Variants in FOCAD observed in about 807,000 individuals in gnomAD.
FOCAD encodes the protein focadhesin.
Under a neutral mutation model 225.6 loss-of-function variants are expected in FOCAD, and 198 were observed. The observed-to-expected ratio is 0.88, with a 90% confidence interval of 0.78 to 0.99. The LOEUF (loss-of-function observed/expected upper bound fraction) is 0.99. FOCAD is among the 50% of genes least tolerant of loss of function. The probability of loss-of-function intolerance (pLI) is 0.00; values close to 1 mark genes in which losing one functional copy is unlikely to be tolerated. For synonymous variants in FOCAD, 897 were observed against 755.0 expected (o/e 1.19, Z -3.08); for missense variants, 2,713 against 2,123.6 (o/e 1.28, Z -5.46).
intron 1 of FOCAD, among the ~76,000 whole-genome samples, chr9:20,714,113 G>A (rs1825107926): frequency 6.6e-6 from 1 of 152,026 alleles, no homozygotes; most frequent in Non-Finnish European, 1.5e-5. Context: ...GAAATGCTCG[G>A]GACCAGAAGT....
chr9:20,958,643 T>C (rs1420189613), intron 35 of FOCAD, among the ~76,000 whole-genome samples: 1 of 152,174 alleles, frequency 6.6e-6, no homozygotes, highest in Non-Finnish European at 1.5e-5. Flanking sequence ...TTCCATCTAA[T>C]TGTGGTTTTG....
At chr9:20,703,743 C>T (rs1283728458) in intron 1 of FOCAD, among the ~76,000 whole-genome samples, 2 of 152,168 alleles carry the variant, frequency 1.3e-5, no homozygotes, top group African/African-American at 4.8e-5. Context: ...CCTTGACTGT[C>T]CCACATGGTA....
intron 21 of FOCAD, among the ~76,000 whole-genome samples, chr9:20,892,758 C>T (rs1033022448): frequency 3.3e-5 from 5 of 152,060 alleles, no homozygotes; most frequent in Non-Finnish European, 7.4e-5. Flanking sequence ...GGATTGATTC[C>T]ACCTTAGAGA....
At chr9:20,868,583 A>G (rs1189206349) in intron 18 of FOCAD, among the ~76,000 whole-genome samples, 2 of 152,286 alleles carry the variant, frequency 1.3e-5, no homozygotes, top group Non-Finnish European at 2.9e-5. Context: ...TATATCTTCC[A>G]ACATAAATGG....
chr9:20,922,167 T>C (rs955278663), intron 24 of FOCAD, among the ~76,000 whole-genome samples: 2 of 152,226 alleles, frequency 1.3e-5, no homozygotes, highest in African/African-American at 4.8e-5. Flanking sequence ...TGTGTTTTCT[T>C]ATTAGCTATA....
At chr9:20,815,126 T>G (rs909228327) in intron 11 of FOCAD, among the ~76,000 whole-genome samples, 3 of 97,010 alleles carry the variant, frequency 3.1e-5, no homozygotes, top group Non-Finnish European at 6.2e-5. Flanking sequence ...TCTCTTTGTT[T>G]TTTTTTTTTT....
Position 20,962,388 on chromosome 9 carries a change from TACAC to T in FOCAD, c.4132+9325_4132+9328del, listed in dbSNP as rs1016060444. On this transcript the variant is annotated intron_variant, in intron 35 of 43. Coordinates refer to ENST00000338382, the MANE Select transcript of FOCAD (RefSeq NM_001375567.1). ...ATTTGTTTATCTATAACTTTAAACA[TACAC>T]ATATATAATATATATATACACACAC... 4.0e-5 allele frequency among the ~76,000 whole-genome samples: 6 copies of T among 150,278 alleles called. No homozygotes were observed. In the Admixed American group the frequency reaches 4.0e-4, roughly 10 times the overall value.
intron 16 of FOCAD, among the ~76,000 whole-genome samples, chr9:20,864,788 G>T (rs1211477443): frequency 6.6e-6 from 1 of 152,036 alleles, no homozygotes; most frequent in Non-Finnish European, 1.5e-5. Flanking sequence ...AGGTCTTAGA[G>T]ATACTAATAA....
rs530682114 is a variant in FOCAD at position 20,993,110 on chromosome 9, G to A, written c.5257-143G>A. The A allele has an allele frequency of 1.4e-5, 9 of 625,336 alleles. No homozygotes were observed. The Admixed American group carries it at 2.4e-4, about 17-fold the overall frequency. The allele number at this position is 625,336 out of a possible 1,614,324, so 38.7% of individuals were successfully genotyped here. On this transcript the variant is annotated intron_variant, in intron 42 of 43. Transcript: ENST00000338382. ...GTCTCATCTCCTCCACCTGGGGAAG[G>A]TATTGCCTAAGAACTGTAATCCCAG...
intron 22 of FOCAD, among the ~76,000 whole-genome samples, chr9:20,910,733 T>C (rs1197098033): frequency 6.6e-6 from 1 of 152,078 alleles, no homozygotes; most frequent in African/African-American, 2.4e-5. Context: ...TGAATGCTGC[T>C]GGATCTCTCT....
chr9:20,861,004 T>C (rs1213582744), intron 15 of FOCAD, among the ~76,000 whole-genome samples: 1 of 152,218 alleles, frequency 6.6e-6, no homozygotes, highest in African/African-American at 2.4e-5. Context: ...TGACTTTTGC[T>C]TTCCATTTTC....
intron 28 of FOCAD, among the ~76,000 whole-genome samples, chr9:20,935,604 G>T (rs925140134): frequency 2.6e-5 from 4 of 152,104 alleles, no homozygotes; most frequent in Admixed American, 1.3e-4. Flanking sequence ...TTCACCAATT[G>T]GTCAGGCTGG....
intron 21 of FOCAD, among the ~76,000 whole-genome samples, chr9:20,906,601 A>G (rs928946656): frequency 6.6e-6 from 1 of 152,016 alleles, no homozygotes; most frequent in Non-Finnish European, 1.5e-5. Context: ...TTGTTTACCC[A>G]CACTGATTAA....
At chr9:20,748,696 C>T (rs1828281057) in intron 5 of FOCAD, among the ~76,000 whole-genome samples, 1 of 151,904 alleles carries the variant, frequency 6.6e-6, no homozygotes, top group South Asian at 2.1e-4. Flanking sequence ...TTTGCAGTTC[C>T]ATTCTTTCTC....
intron 15 of FOCAD, among the ~76,000 whole-genome samples, chr9:20,859,459 CT>C (rs1180317357): frequency 6.7e-6 from 1 of 149,950 alleles, no homozygotes; most frequent in Admixed American, 6.7e-5. Flanking sequence ...TTCCCTTTAA[CT>C]TTGAAGATTG....
rs186326201 is a variant in FOCAD, at chr9:20,743,003, G to A, written c.392+2663G>A. 3.7e-3 allele frequency among the ~76,000 whole-genome samples: 567 copies of A among 152,278 alleles called. 4 individuals carry two copies. The highest frequency in any genetic ancestry group is 0.013 in the African/African-American group (543 of 41,546). ...GTAGAGAGTAATTGAGTGTATAAGA[G>A]CCTTAAGTTCCTCCAAGGGGGATTG... is the stretch of plus-strand genomic sequence containing the variant. On this transcript the variant is annotated intron_variant, in intron 5 of 43. Transcript: ENST00000338382.
At chr9:20,671,842 G>C (rs544440163) in intron 2 of FOCAD, among the ~76,000 whole-genome samples, 2 of 152,274 alleles carry the variant, frequency 1.3e-5, no homozygotes, top group Admixed American at 1.3e-4. Flanking sequence ...ACTATGGAGT[G>C]CTGCCGCTGG....
chr9:20,816,991 T>C (rs778525858), intron 11 of FOCAD, among the ~76,000 whole-genome samples: 4 of 152,160 alleles, frequency 2.6e-5, no homozygotes, highest in Non-Finnish European at 4.4e-5. Flanking sequence ...TGGATTTTGC[T>C]ATCCATGGAA....
chr9:20,676,839 C>T (rs1822251383), intron 2 of FOCAD, among the ~76,000 whole-genome samples: 1 of 152,068 alleles, frequency 6.6e-6, no homozygotes, highest in African/African-American at 2.4e-5. Context: ...AGATTCAATA[C>T]AATCCCTAAA....
Sources: gnomAD v4.1 joint callset for allele counts (sites outside exome capture counted in the v4.1 genomes callset) on GRCh38, gnomAD v4.1.1 for gene constraint, MANE v1.5 for transcripts, NCBI Gene and HGNC (gene_info 2026-07-23, HGNC 2026-07-21) for gene names.